CASP5: variants seen among roughly 807,000 people sequenced by gnomAD.
CASP5 encodes the protein caspase-5.
In CASP5, 42 loss-of-function variants were observed where a neutral mutation model predicts 45.2. The observed-to-expected ratio is 0.93, with a 90% CI of 0.73 to 1.20. The LOEUF (loss-of-function observed/expected upper bound fraction) is 1.20, where lower values mean the gene tolerates loss of function less well. Among genes scored for constraint, CASP5 ranks in the 50% most tolerant of loss-of-function variants. CASP5 has a pLI of 0.00. For missense variants in CASP5, 512 were observed against 532.2 expected, an observed-to-expected ratio of 0.96 and a Z score of 0.37; for synonymous variants, 209 against 186.2, an observed-to-expected ratio of 1.12 and a Z score of -1.00.
chr11:105,022,895 G>T (rs2134782338), intron 1 of CASP5, among the ~76,000 whole-genome samples: 1 of 152,208 alleles, frequency 6.6e-6, no homozygotes, highest in East Asian at 1.9e-4. Flanking sequence ...ACCAGAAGCT[G>T]AAAGAAAGGA....
At chr11:105,011,995 A>G (rs1862374170) in intron 1 of CASP5, among the ~76,000 whole-genome samples, 1 of 151,832 alleles carries the variant, frequency 6.6e-6, no homozygotes. Flanking sequence ...ATCCTTGAGT[A>G]AAGAACAAAA....
At chr11:104,998,822 T>C in intron 7 of CASP5, 63 bp downstream of exon 7, 2 of 1,533,494 alleles carry the variant, frequency 1.3e-6, no homozygotes, top group African/African-American at 1.4e-5. Flanking sequence ...CTTGATTTCA[T>C]AGAATCATTC....
At chr11:105,017,002 A>AC (rs377747243) in intron 1 of CASP5, among the ~76,000 whole-genome samples, 5 of 149,414 alleles carry the variant, frequency 3.3e-5, no homozygotes, top group African/African-American at 5.1e-5. Flanking sequence ...CTGACTCCTG[A>AC]CCCCCCGAGC....
At chr11:104,996,229 G>T (rs1254980670) in intron 8 of CASP5, among the ~76,000 whole-genome samples, 2 of 152,134 alleles carry the variant, frequency 1.3e-5, no homozygotes, top group Admixed American at 1.3e-4. Flanking sequence ...TTAAATCCCA[G>T]AATCTTGCTT....
intron 1 of CASP5, among the ~76,000 whole-genome samples, chr11:105,009,750 TATATATATAC>T (rs1320543221): frequency 1.0e-4 from 8 of 78,312 alleles, no homozygotes; most frequent in South Asian, 7.2e-4. Flanking sequence ...TATATATATA[TATATATATAC>T]ACACACACAC....
At chr11:104,997,269 C>T in intron 8 of CASP5, 114 bp downstream of exon 8, 1 of 724,558 alleles carries the variant, frequency 1.4e-6, no homozygotes. Context: ...AAATCAGGTG[C>T]CATACTACTT....
In CASP5 at chr11:104,998,898, A is replaced by G; in HGVS notation, c.1083T>C (p.Cys361=). Residue 361 remains cysteine, a synonymous_variant, in exon 7 of 10, where the codon TGT becomes TGC. Coordinates refer to ENST00000260315, the MANE Select transcript of CASP5 (RefSeq NM_004347.5). ...AAAGACACATACGTGGTGTTGAAGA[A>G]CAGAAAGCAATGAAGTCCTTCTCCT... is the stretch of plus-strand genomic sequence containing the variant. The part of the protein sequence containing the change: ...IHEEKDFIAF[C]SSTPHNVSWR... 1 of 1,613,222 alleles carries G rather than the reference A, an allele frequency of 6.2e-7. No homozygotes were observed. The highest frequency in any genetic ancestry group is 8.5e-7 in the Non-Finnish European group (1 of 1,179,710).
intron 1 of CASP5, among the ~76,000 whole-genome samples, chr11:105,020,012 C>T (rs1473979569): frequency 6.9e-6 from 1 of 145,586 alleles, no homozygotes; most frequent in Non-Finnish European, 1.5e-5. Context: ...ATACGCAAAT[C>T]AATAAATATA....
At position 105,000,585 on chromosome 11, in the gene CASP5, T is replaced by C. The variant is rs1003491502; in HGVS notation, c.718-90A>G. On this transcript the variant is annotated intron_variant, in intron 5 of 9. Coordinates refer to ENST00000260315, the MANE Select transcript of CASP5 (RefSeq NM_004347.5). ...TACCATGAGCGAAACAAGAAACATA[T>C]GTAACATCCGGGTCGTGGTGCTTCA... is the stretch of plus-strand genomic sequence containing the variant. The C allele has an allele frequency of 5.1e-6, 6 of 1,186,968 alleles. No individual in the cohort carries two copies. The South Asian group carries it at 6.5e-5, about 13-fold the overall frequency. The allele number at this position is 1,186,968 out of a possible 1,614,324, so 73.5% of individuals were successfully genotyped here. A position where few individuals can be genotyped will look rare whatever the true frequency, so the allele number is the denominator to read the frequency against.
chr11:105,014,453 C>A (rs1288824265), intron 1 of CASP5, among the ~76,000 whole-genome samples: 3 of 152,102 alleles, frequency 2.0e-5, no homozygotes, highest in Non-Finnish European at 4.4e-5. Flanking sequence ...AGATTTTATG[C>A]TCTGTGAGGA....
At chr11:104,996,655 A>AT (rs1231532678) in intron 8 of CASP5, among the ~76,000 whole-genome samples, 7 of 152,220 alleles carry the variant, frequency 4.6e-5, no homozygotes, top group African/African-American at 1.4e-4. Flanking sequence ...AATGTCTGCT[A>AT]TATGTCAGGC....
intron 9 of CASP5, among the ~76,000 whole-genome samples, 184 bp downstream of exon 9, chr11:104,995,556 T>C (rs1332122607): frequency 6.6e-6 from 1 of 152,208 alleles, no homozygotes; most frequent in Non-Finnish European, 1.5e-5. Context: ...TGATTGATTA[T>C]ATAGTTGAGG....
At chr11:105,010,687 G>T (rs1204749690) in intron 1 of CASP5, among the ~76,000 whole-genome samples, 1 of 151,366 alleles carries the variant, frequency 6.6e-6, no homozygotes, top group East Asian at 1.9e-4. Context: ...ATGAATTAGG[G>T]TTCAAATCCT....
At chr11:105,006,535 T>G (rs1397459716) in intron 3 of CASP5, among the ~76,000 whole-genome samples, 1 of 152,210 alleles carries the variant, frequency 6.6e-6, no homozygotes, top group Non-Finnish European at 1.5e-5. Flanking sequence ...TGTATTCATT[T>G]TGTGATGCCA....
intron 5 of CASP5, among the ~76,000 whole-genome samples, chr11:105,000,794 T>A (rs1591155777): frequency 6.6e-6 from 1 of 152,140 alleles, no homozygotes; most frequent in Non-Finnish European, 1.5e-5. Flanking sequence ...ATCTTTTCTC[T>A]CCTTTCCTAA....
Position 105,007,242 on chromosome 11 carries a change from C to T in CASP5, c.274G>A (p.Val92Ile), listed in dbSNP as rs767807440. 3.1e-6 allele frequency: 5 copies of T among 1,613,044 alleles called. No individual in the cohort carries two copies. The African/African-American group carries it at 6.7e-5, about 22-fold the overall frequency. Reference sequence around the variant, plus strand: ...TTTTCCTCTTCCTTCAATGTCAGAACATCGTGTTTTGCCAAATAATTAAAA... The same window carrying T: ...TTTTCCTCTTCCTTCAATGTCAGAATATCGTGTTTTGCCAAATAATTAAAA... ...GVFNYLAKHD[V>I]LTLKEEEKKK... Residue 92 changes from valine (V) to isoleucine (I), a missense_variant, in exon 3 of 10, where the codon GTT becomes ATT. Physicochemically the swap from Val to Ile is conservative, Grantham distance 29. Transcript: ENST00000260315.
chr11:104,995,896 A>G lies in CASP5; in HGVS notation c.1207-54T>C, dbSNP rs1861449240. On this transcript the variant is annotated intron_variant, in intron 8 of 9. Transcript: ENST00000260315. ...GAGGGATTTTGGGTTCTCAGAATGC[A>G]TCTTACACCATGAACCAGGAAATGC... 3 of 1,090,748 alleles carry G rather than the reference A, an allele frequency of 2.8e-6. No individual in the cohort carries two copies. In the African/African-American group the frequency reaches 4.7e-5, roughly 17 times the overall value. 67.6% of individuals were successfully genotyped at this position (1,090,748 alleles called of 1,614,324 possible). A position where few individuals can be genotyped will look rare whatever the true frequency, so the allele number is the denominator to read the frequency against.
chr11:105,008,192 G>C (rs1862101180), intron 2 of CASP5, among the ~76,000 whole-genome samples: 1 of 152,052 alleles, frequency 6.6e-6, no homozygotes, highest in Admixed American at 6.6e-5. Context: ...AAATGGAAAG[G>C]GGTTAAAGTT....
chr11:105,014,012 T>A (rs1190396930), intron 1 of CASP5, among the ~76,000 whole-genome samples: 2 of 152,204 alleles, frequency 1.3e-5, no homozygotes, highest in Non-Finnish European at 2.9e-5. Flanking sequence ...ACACCCTTTC[T>A]TTCTGAATTA....
Sources: allele counts gnomAD v4.1 joint callset (sites outside exome capture counted in the v4.1 genomes callset), GRCh38; gene constraint gnomAD v4.1.1; transcripts MANE v1.5; gene names NCBI Gene and HGNC (gene_info 2026-07-23, HGNC 2026-07-21).